Variants in FSD2 observed in about 807,000 individuals in gnomAD.
FSD2 encodes the protein fibronectin type III and SPRY domain-containing protein 2.
Under a neutral mutation model 80.4 loss-of-function variants are expected in FSD2, and 71 were observed. The ratio of observed to expected loss-of-function variants is 0.88; its 90% CI spans 0.73 to 1.08. FSD2 has a LOEUF of 1.08. FSD2 is among the 50% of genes least tolerant of loss of function. FSD2 has a pLI of 0.00. For missense variants in FSD2, 923 were observed against 913.8 expected, an observed-to-expected ratio of 1.01 and a Z score of -0.13; for synonymous variants, 361 against 329.5, an observed-to-expected ratio of 1.10 and a Z score of -1.03.
intron 9 of FSD2, 50 bp downstream of exon 9, chr15:82,768,830 T>C (rs2049486630): frequency 7.3e-7 from 1 of 1,368,936 alleles, no homozygotes; most frequent in Non-Finnish European, 9.5e-7. Context: ...GCCATGTCAC[T>C]GTATCAGGTG....
chr15:82,775,067 T>A (rs972337583), intron 6 of FSD2, among the ~76,000 whole-genome samples: 1 of 151,130 alleles, frequency 6.6e-6, no homozygotes, highest in Non-Finnish European at 1.5e-5. Flanking sequence ...CATTTCCTAC[T>A]CAAAGCTCAG....
chr15:82,791,895 C>G (rs191926225), intron 1 of FSD2, among the ~76,000 whole-genome samples: 1 of 152,170 alleles, frequency 6.6e-6, no homozygotes, highest in Non-Finnish European at 1.5e-5. Context: ...TCATCCATGT[C>G]GTAGCATGTA....
At chr15:82,789,828 G>C (rs1050882785) in intron 1 of FSD2, among the ~76,000 whole-genome samples, 1 of 152,130 alleles carries the variant, frequency 6.6e-6, no homozygotes, top group Non-Finnish European at 1.5e-5. Flanking sequence ...AGGCTAAGGT[G>C]GGAGGATCAC....
At chr15:82,764,885 G>C (rs1430576510) in intron 11 of FSD2, among the ~76,000 whole-genome samples, 1 of 152,020 alleles carries the variant, frequency 6.6e-6, no homozygotes, top group African/African-American at 2.4e-5. Flanking sequence ...ACCTCTGGCT[G>C]CTCCAGCTCT....
Position 82,772,164 on chromosome 15 carries a change from C to G in FSD2, c.1176G>C (p.Val392=). The G allele has an allele frequency of 1.2e-6, 2 of 1,612,596 alleles. No individual in the cohort carries two copies. The highest frequency in any genetic ancestry group is 2.2e-5 in the South Asian group (2 of 90,588). The change falls in exon 7 of 13, where the codon GTG becomes GTC. Residue 392 remains valine, a synonymous_variant. Transcript: ENST00000334574. ...TGTCGTCGGAGTATAAGCTCCAGCA[C>G]ACTCGGACTGAGGAACCTGTGGCTG... ...PNSATGSSVR[V]CWSLYSDDTV...
chr15:82,780,727 G>C (rs2049835496), intron 4 of FSD2, among the ~76,000 whole-genome samples: 1 of 151,298 alleles, frequency 6.6e-6, no homozygotes, highest in Non-Finnish European at 1.5e-5. Context: ...ATATATATAA[G>C]ATAGTTATAT....
At chr15:82,777,144 C>A (rs2049731696) in intron 6 of FSD2, among the ~76,000 whole-genome samples, 1 of 152,182 alleles carries the variant, frequency 6.6e-6, no homozygotes. Context: ...AGGTGAATAG[C>A]TTCTTGACAT....
intron 9 of FSD2, among the ~76,000 whole-genome samples, chr15:82,768,665 C>T (rs565998075): frequency 6.6e-6 from 1 of 152,344 alleles, no homozygotes; most frequent in Non-Finnish European, 1.5e-5. Flanking sequence ...ACAACAACAA[C>T]AAAACCTGAG....
chr15:82,778,549 G>C (rs1482207604), intron 6 of FSD2, among the ~76,000 whole-genome samples: 1 of 152,102 alleles, frequency 6.6e-6, no homozygotes, highest in African/African-American at 2.4e-5. Flanking sequence ...AAGGGGAAAC[G>C]GGGAATTGTT....
Position 82,761,689 on chromosome 15 carries a change from T to A in FSD2, c.1997+413A>T, listed in dbSNP as rs555618816. On this transcript the variant is annotated intron_variant, in intron 12 of 12. Transcript: ENST00000334574. ...ATTTTATTTTTTTATTTTATTATTT[T>A]TTTTTTTTTAGAGACGGGGTCTTGC... 8.0e-5 allele frequency among the ~76,000 whole-genome samples: 12 copies of A among 150,766 alleles called. No homozygotes were observed. In the South Asian group the frequency reaches 1.5e-3, roughly 18 times the overall value.
Position 82,765,879 on chromosome 15 carries a change from T to C in FSD2, c.1687+19A>G, listed in dbSNP as rs1308389739. Reference sequence around the variant, plus strand: ...TGGCCACTTTGGGTCCCAGAGACTTTGTGGGCTGGGGCACAGACCTATGGT... The same window carrying C: ...TGGCCACTTTGGGTCCCAGAGACTTCGTGGGCTGGGGCACAGACCTATGGT... On this transcript the variant is annotated intron_variant, in intron 10 of 12. Transcript: ENST00000334574. The C allele has an allele frequency of 3.1e-6, 5 of 1,591,222 alleles. No homozygotes were observed. Among genetic ancestry groups the C allele is most frequent in the Non-Finnish European group, 4.3e-6 (5 of 1,166,604 alleles).
At chr15:82,774,342 C>G (rs932232263) in intron 6 of FSD2, among the ~76,000 whole-genome samples, 2 of 152,160 alleles carry the variant, frequency 1.3e-5, no homozygotes, top group African/African-American at 4.8e-5. Flanking sequence ...TCCCAAAGTG[C>G]TGGGATCACA....
At chr15:82,774,664 T>C (rs1482823265) in intron 6 of FSD2, among the ~76,000 whole-genome samples, 1 of 151,938 alleles carries the variant, frequency 6.6e-6, no homozygotes, top group Non-Finnish European at 1.5e-5. Context: ...TACTCACTTA[T>C]GAGCTAAAGA....
chr15:82,804,791 G>C (rs999369469), intron 1 of FSD2, among the ~76,000 whole-genome samples: 1 of 152,102 alleles, frequency 6.6e-6, no homozygotes, highest in Non-Finnish European at 1.5e-5. Context: ...CTTGCCCTTC[G>C]AACACACAAC....
intron 1 of FSD2, among the ~76,000 whole-genome samples, chr15:82,805,084 C>A (rs1049533949): frequency 6.6e-6 from 1 of 151,026 alleles, no homozygotes; most frequent in Non-Finnish European, 1.5e-5. Context: ...AGATGTTTGT[C>A]TAAGGCTTAT....
In FSD2 at chr15:82,768,912, C is replaced by G. The variant is rs1045153794; in HGVS notation, c.1521G>C (p.Gln507His). Reference protein sequence around the residue: ...PVDSYTVELTQAESPEASGVT... With the variant: ...PVDSYTVELTHAESPEASGVT... ...CACCCGAGGCTTCTGGACTTTCAGC[C>G]TGGGTCAGCTCCACAGTGTACGAGT... Residue 507 changes from glutamine to histidine, a missense_variant, in exon 9 of 13, where the codon CAG (glutamine) becomes CAC (histidine). Coordinates refer to ENST00000334574, the MANE Select transcript of FSD2 (RefSeq NM_001007122.4). 2 of 1,580,056 alleles carry G rather than the reference C, an allele frequency of 1.3e-6. No homozygotes were observed. The highest frequency in any genetic ancestry group is 8.6e-7 in the Non-Finnish European group (1 of 1,164,794).
rs749681750 is a variant in FSD2, at chr15:82,768,927, A to C, written c.1506T>G (p.Thr502=). 2 of 1,602,184 alleles carry C rather than the reference A, an allele frequency of 1.2e-6. No homozygotes were observed. The highest frequency in any genetic ancestry group is 4.5e-5 in the East Asian group (2 of 44,320). The change falls in exon 9 of 13, where the codon ACT becomes ACG. Residue 502 remains threonine, a synonymous_variant. Transcript: ENST00000334574. ...SGNLNPVDSY[T]VELTQAESPE... ...GACTTTCAGCCTGGGTCAGCTCCAC[A>C]GTGTACGAGTCCACAGGATTCAGGT...
intron 3 of FSD2, among the ~76,000 whole-genome samples, chr15:82,783,775 A>G (rs1369318714): frequency 1.3e-5 from 2 of 152,136 alleles, no homozygotes; most frequent in Non-Finnish European, 2.9e-5. Flanking sequence ...CTTGGATCAT[A>G]CAAATATCAA....
intron 12 of FSD2, among the ~76,000 whole-genome samples, 151 bp from the exon 13 acceptor site, chr15:82,759,751 A>G (rs982653203): frequency 1.3e-5 from 2 of 151,900 alleles, no homozygotes; most frequent in African/African-American, 2.4e-5. Flanking sequence ...TTCTAAAACT[A>G]TACTCTCTAA....
Sources: gnomAD v4.1 joint callset for allele counts (sites outside exome capture counted in the v4.1 genomes callset) on GRCh38, gnomAD v4.1.1 for gene constraint, MANE v1.5 for transcripts, NCBI Gene and HGNC (gene_info 2026-07-23, HGNC 2026-07-21) for gene names.